RPL10A: variants seen among roughly 807,000 people sequenced by gnomAD.
RPL10A encodes the protein large ribosomal subunit protein uL1.
A neutral mutation model predicts 24.6 loss-of-function variants in RPL10A; 11 were observed. The ratio of observed to expected loss-of-function variants is 0.45; its 90% CI spans 0.28 to 0.74. The LOEUF (loss-of-function observed/expected upper bound fraction) is 0.74. Among genes scored for constraint, RPL10A ranks in the 30% least tolerant of loss-of-function variants. The pLI is 0.13. For synonymous variants in RPL10A, 98 were observed against 108.5 expected (o/e 0.90, Z 0.60); for missense variants, 136 against 273.1 (o/e 0.50, Z 3.54).
Position 35,470,528 on chromosome 6 carries a change from C to T in RPL10A, c.484-52C>T. Reference sequence around the variant, plus strand: ...GGCCACTGGGGGAGGAAGGACAGGCCATCTGCTATTCGTCCACCAACCTGA... The same window carrying T: ...GGCCACTGGGGGAGGAAGGACAGGCTATCTGCTATTCGTCCACCAACCTGA... On this transcript the variant is annotated intron_variant, in intron 5 of 5. Coordinates refer to ENST00000322203, the MANE Select transcript of RPL10A (RefSeq NM_007104.5). The surrounding 1 kb of genome is among the most constrained non-coding windows in gnomAD (Gnocchi z 4.6). 1 of 1,564,356 alleles carries T rather than the reference C, an allele frequency of 6.4e-7. No homozygotes were observed. The highest frequency in any genetic ancestry group is 8.8e-7 in the Non-Finnish European group (1 of 1,141,342).
At position 35,468,929 on chromosome 6, in the gene RPL10A, C is replaced by A. The variant is rs1023393391; in HGVS notation, c.81-18C>A. 1.2e-6 allele frequency: 2 copies of A among 1,613,758 alleles called. No homozygotes were observed. The highest frequency in any genetic ancestry group is 1.7e-5 in the Admixed American group (1 of 59,996). On this transcript the variant is annotated intron_variant, in intron 2 of 5. Transcript: ENST00000322203. ...TGGCGAGGGCCGGCGGGTGCTTAAC[C>A]CCCCTCCTCTCTCGAAGGTTCCTGG...
intron 4 of RPL10A, among the ~76,000 whole-genome samples, chr6:35,469,756 CCAGGTGCTGGTGA>C (rs1767985808): frequency 6.6e-6 from 1 of 151,880 alleles, no homozygotes; most frequent in African/African-American, 2.4e-5. Context: ...AGTTGACCAG[CCAGGTGCTGGTGA>C]ACTATGATTT....
chr6:35,468,593 C>T lies in RPL10A; in HGVS notation c.5+154C>T. 6 of 1,561,708 alleles carry T rather than the reference C, an allele frequency of 3.8e-6. No individual in the cohort carries two copies. In the South Asian group the frequency reaches 4.6e-5, roughly 12 times the overall value. ...GTCGGCCTGCGGGTCGCCCTTCCTA[C>T]CAGGTCCGATCACTGAGAGCCTCCC... On this transcript the variant is annotated intron_variant, in intron 1 of 5. Coordinates refer to ENST00000322203, the MANE Select transcript of RPL10A (RefSeq NM_007104.5).
Position 35,468,672 on chromosome 6 carries a change from C to T in RPL10A, c.6-127C>T, listed in dbSNP as rs561815267. ...GAGCTCCCGTCGCTCTACTTGGTGT[C>T]CGGAATCTACGGGGGAGTCCGCCGT... On this transcript the variant is annotated intron_variant, in intron 1 of 5. Transcript: ENST00000322203. The T allele has an allele frequency of 7.9e-5, 120 of 1,518,120 alleles. 1 individual carries two copies. The South Asian group carries it at 1.3e-3, about 16-fold the overall frequency. 94.0% of individuals were successfully genotyped at this position (1,518,120 alleles called of 1,614,324 possible).
At chr6:35,469,867 G>A (rs921581776) in intron 4 of RPL10A, among the ~76,000 whole-genome samples, 4 of 152,170 alleles carry the variant, frequency 2.6e-5, no homozygotes, top group African/African-American at 9.7e-5. Context: ...CACGTGTCCA[G>A]GGTCCACAGC....
At chr6:35,469,893 A>G (rs1192258752) in intron 4 of RPL10A, among the ~76,000 whole-genome samples, 2 of 152,156 alleles carry the variant, frequency 1.3e-5, no homozygotes, top group Non-Finnish European at 2.9e-5. Context: ...AATAGGCAGA[A>G]TTCGAGCCCA....
chr6:35,469,185 C>T (rs1767967029), intron 3 of RPL10A, 158 bp downstream of exon 3: 4 of 1,466,636 alleles, frequency 2.7e-6, no homozygotes, highest in South Asian at 1.4e-5. Flanking sequence ...GACCCCCACC[C>T]TGGGTCTTAA....
At position 35,468,748 on chromosome 6, in the gene RPL10A, C is replaced by T. The variant is rs562328984; in HGVS notation, c.6-51C>T. ...AGACCTCGGAGGCTTCCAGGCAGTCCGAGCGTGTGGACTCCGCGGCCCTGA... is the reference window on the plus strand; with the variant it reads ...AGACCTCGGAGGCTTCCAGGCAGTCTGAGCGTGTGGACTCCGCGGCCCTGA... On this transcript the variant is annotated intron_variant, in intron 1 of 5. Transcript: ENST00000322203. 3.6e-5 allele frequency: 56 copies of T among 1,553,260 alleles called. No homozygotes were observed. The East Asian group carries it at 8.5e-4, about 24-fold the overall frequency.
chr6:35,468,421 C>G lies in RPL10A; in HGVS notation c.-14C>G, dbSNP rs570109605. On this transcript the variant is annotated 5_prime_UTR_variant, in exon 1 of 6. Coordinates refer to ENST00000322203, the MANE Select transcript of RPL10A (RefSeq NM_007104.5). ...ATGCTAGTCTCTTTTCCGGTTAGCG[C>G]GGCGTGAGAAGCCATGAGGTGAGTT... 17 of 1,613,940 alleles carry G rather than the reference C, an allele frequency of 1.1e-5. No homozygotes were observed. The highest frequency in any genetic ancestry group is 4.5e-5 in the East Asian group (2 of 44,890).
chr6:35,468,617 C>T, intron 1 of RPL10A, 178 bp downstream of exon 1: 2 of 1,530,060 alleles, frequency 1.3e-6, no homozygotes, highest in South Asian at 1.2e-5. Context: ...TGAGAGCCTC[C>T]CTCTTCCACC....
rs753182792 is a variant in RPL10A at position 35,468,453 on chromosome 6, G to T, written c.5+14G>T. On this transcript the variant is annotated intron_variant, in intron 1 of 5. Transcript: ENST00000322203. ...AGAAGCCATGAGGTGAGTTGGTCCTGAAAGCCCTATCCGCGTTCATCCGCG... is the reference window on the plus strand; with the variant it reads ...AGAAGCCATGAGGTGAGTTGGTCCTTAAAGCCCTATCCGCGTTCATCCGCG... 2 of 1,614,026 alleles carry T rather than the reference G, an allele frequency of 1.2e-6. No individual in the cohort carries two copies. Among genetic ancestry groups the T allele is most frequent in the Non-Finnish European group, 1.7e-6 (2 of 1,179,922 alleles).
In RPL10A at chr6:35,469,049, C is replaced by T. The variant is rs374521165; in HGVS notation, c.161+22C>T. The T allele has an allele frequency of 1.1e-5, 18 of 1,610,962 alleles. No homozygotes were observed. In the African/African-American group the frequency reaches 2.3e-4, roughly 20 times the overall value. On this transcript the variant is annotated intron_variant, in intron 3 of 5. Transcript: ENST00000322203. The stretch of plus-strand genomic sequence containing the variant: ...TCAGGTTGGCACCGTTCTGATCCCA[C>T]CCAGCCCTCAGTGCCCCCGTGCTTG...
In RPL10A at chr6:35,470,581, T is replaced by C; in HGVS notation, c.485T>C (p.Val162Ala). Residue 162 changes from valine (V) to alanine (A), a missense_variant and splice_region_variant, in exon 6 of 6, where the codon GTG (valine) becomes GCG (alanine). By Grantham distance (64) the Val-to-Ala change is moderately conservative (BLOSUM62 0). Coordinates refer to ENST00000322203, the MANE Select transcript of RPL10A (RefSeq NM_007104.5). The surrounding 1 kb of genome is among the most constrained non-coding windows in gnomAD (Gnocchi z 4.6). ...KSTIKFQMKK[V>A]LCLAVAVGHV... The stretch of plus-strand genomic sequence containing the variant: ...TGATCCTCTCTTCCCTCCTCCCAGG[T>C]GTTATGTCTGGCTGTAGCTGTTGGT... 6.2e-7 allele frequency: 1 copy of C among 1,613,594 alleles called. No individual in the cohort carries two copies. The highest frequency in any genetic ancestry group is 2.2e-5 in the East Asian group (1 of 44,868).
chr6:35,469,325 G>C, intron 3 of RPL10A, 56 bp from the exon 4 acceptor site: 1 of 1,529,384 alleles, frequency 6.5e-7, no homozygotes, highest in Admixed American at 2.2e-5. Flanking sequence ...ACCCTTCACC[G>C]GCCCTTGGGA....
intron 1 of RPL10A, 110 bp downstream of exon 1, chr6:35,468,549 G>A: frequency 6.2e-7 from 1 of 1,606,022 alleles, no homozygotes. Context: ...CCTGCGCCGC[G>A]GGGCATTTCT....
chr6:35,470,130 C>CT lies in RPL10A; in HGVS notation c.311-47dup, dbSNP rs769048940. ...CTGGCCTGCCACATTTGAGGTGTGCCTTGGTGACCAGGTTCTAAGCAATGC... is the reference window on the plus strand; with the variant it reads ...CTGGCCTGCCACATTTGAGGTGTGCCTTTGGTGACCAGGTTCTAAGCAATGC... On this transcript the variant is annotated intron_variant, in intron 4 of 5. Transcript: ENST00000322203. The surrounding 1 kb of genome is among the most constrained non-coding windows in gnomAD (Gnocchi z 4.6). 6.4e-7 allele frequency: 1 copy of CT among 1,572,260 alleles called. No homozygotes were observed. The highest frequency in any genetic ancestry group is 8.7e-7 in the Non-Finnish European group (1 of 1,151,178).
chr6:35,469,641 C>G (rs900436853), intron 4 of RPL10A, 112 bp downstream of exon 4: 33 of 1,276,818 alleles, frequency 2.6e-5, no homozygotes, highest in Non-Finnish European at 3.5e-5. Flanking sequence ...AGCAAAGGAT[C>G]GGCGGTGGTT....
At chr6:35,469,587 C>T (rs878993108) in intron 4 of RPL10A, 58 bp downstream of exon 4, 34 of 1,547,150 alleles carry the variant, frequency 2.2e-5, no homozygotes, top group African/African-American at 2.8e-5. Context: ...GGTAGAAAGG[C>T]TTTTCTGCCA....
chr6:35,469,326 G>T, intron 3 of RPL10A, 55 bp from the exon 4 acceptor site: 1 of 1,531,932 alleles, frequency 6.5e-7, no homozygotes, highest in African/African-American at 1.4e-5. Flanking sequence ...CCCTTCACCG[G>T]CCCTTGGGAC....
Sources: allele counts gnomAD v4.1 joint callset (sites outside exome capture counted in the v4.1 genomes callset), GRCh38; gene constraint gnomAD v4.1.1; non-coding constraint Gnocchi (gnomAD v3.1); transcripts MANE v1.5; gene names NCBI Gene and HGNC (gene_info 2026-07-23, HGNC 2026-07-21).